The following CREBL2 variants were observed in gnomAD, a reference collection of about 807,000 sequenced individuals.
CREBL2 encodes cAMP-responsive element-binding protein-like 2.
Under a neutral mutation model 19.5 loss-of-function variants are expected in CREBL2, and 4 were observed. The observed-to-expected ratio is 0.20, with a 90% confidence interval of 0.10 to 0.47. The LOEUF is 0.47. Among genes scored for constraint, CREBL2 ranks in the 20% least tolerant of loss-of-function variants. CREBL2 has a pLI of 0.98. For synonymous variants in CREBL2, 42 were observed against 46.6 expected (o/e 0.90, Z 0.40); for missense variants, 85 against 145.1 (o/e 0.59, Z 2.13).
chr12:12,614,687 C>A, intron 1 of CREBL2: 1 of 281,040 alleles, frequency 3.6e-6, no homozygotes, highest in South Asian at 3.4e-5. Context: ...CATTTTCCTT[C>A]ACACGTTTCT....
intron 1 of CREBL2, among the ~76,000 whole-genome samples, chr12:12,621,064 G>A (rs1412846319): frequency 6.6e-6 from 1 of 152,204 alleles, no homozygotes; most frequent in Non-Finnish European, 1.5e-5. Flanking sequence ...AGTAAAGTAA[G>A]TATTTTGGTA....
At chr12:12,626,812 G>C (rs887549363) in intron 1 of CREBL2, among the ~76,000 whole-genome samples, 4 of 151,188 alleles carry the variant, frequency 2.6e-5, no homozygotes, top group African/African-American at 9.7e-5. Flanking sequence ...GAGGCAGGAG[G>C]ATAGCTTGAG....
At chr12:12,635,709 T>C (rs1945469881) in intron 1 of CREBL2, 68 bp from the exon 2 acceptor site, 1 of 1,512,082 alleles carries the variant, frequency 6.6e-7, no homozygotes, top group Non-Finnish European at 8.9e-7. Flanking sequence ...TTTGCTAATA[T>C]GCAGCCATAT....
intron 1 of CREBL2, among the ~76,000 whole-genome samples, chr12:12,631,874 T>C (rs1945444553): frequency 6.6e-6 from 1 of 152,132 alleles, no homozygotes; most frequent in Non-Finnish European, 1.5e-5. Context: ...TTGTTATAGC[T>C]AAGATTTACA....
intron 1 of CREBL2, among the ~76,000 whole-genome samples, chr12:12,635,051 G>A (rs1945464366): frequency 6.6e-6 from 1 of 151,798 alleles, no homozygotes; most frequent in African/African-American, 2.4e-5. Flanking sequence ...AACAGAGTAA[G>A]CGAGAACCTG....
At position 12,638,586 on chromosome 12, in the gene CREBL2, TTAA is replaced by T. The variant is rs374775811; in HGVS notation, c.358+881_358+883del. On this transcript the variant is annotated intron_variant, in intron 3 of 3. Coordinates refer to ENST00000228865, the MANE Select transcript of CREBL2 (RefSeq NM_001310.4). ...GGAGTGGCACGAATCTAGCTTTTTG[TTAA>T]TAATAATACCTTTTATTTGTATTTT... Among the ~76,000 whole-genome samples the T allele has an allele frequency of 3.6e-4, 55 of 152,162 alleles. No homozygotes were observed. The East Asian group carries it at 5.6e-3, about 15-fold the overall frequency.
intron 2 of CREBL2, 51 bp from the exon 3 acceptor site, chr12:12,637,519 T>C: frequency 8.6e-7 from 1 of 1,163,430 alleles, no homozygotes; most frequent in Non-Finnish European, 1.1e-6. Context: ...TAAAAGTTAA[T>C]TTAAATATGT....
intron 1 of CREBL2, 88 bp downstream of exon 1, chr12:12,612,275 A>G: frequency 6.2e-7 from 1 of 1,607,592 alleles, no homozygotes; most frequent in African/African-American, 1.3e-5. Context: ...GTCCACGCCA[A>G]CACCCAAGAG....
chr12:12,622,194 G>A (rs1274395338), intron 1 of CREBL2, among the ~76,000 whole-genome samples: 1 of 152,196 alleles, frequency 6.6e-6, no homozygotes, highest in East Asian at 1.9e-4. Context: ...AATACATACT[G>A]AGTTCAATAA....
chr12:12,637,540 T>A (rs147834869), intron 2 of CREBL2, 30 bp from the exon 3 acceptor site: 2 of 1,242,360 alleles, frequency 1.6e-6, no homozygotes, highest in African/African-American at 3.1e-5. Flanking sequence ...TTTAAATTTA[T>A]ATTTATATTT....
At chr12:12,641,260 T>TA (rs1164279467) in intron 3 of CREBL2, among the ~76,000 whole-genome samples, 7 of 106,822 alleles carry the variant, frequency 6.6e-5, no homozygotes, top group Non-Finnish European at 1.2e-4. Context: ...ATTATTTTTT[T>TA]TTATTTTTTT....
rs117964491 is a variant in CREBL2 at position 12,625,990 on chromosome 12, A to C, written c.16-9787A>C. ...TAATAGTGCTTACCTCATCTGAGGT[A>C]ATGTGAAATAACATGAGATAGCGTG... is the stretch of plus-strand genomic sequence containing the variant. On this transcript the variant is annotated intron_variant, in intron 1 of 3. Transcript: ENST00000228865. 9.7e-4 allele frequency among the ~76,000 whole-genome samples: 148 copies of C among 152,324 alleles called. 4 individuals are homozygous for C. In the East Asian group the frequency reaches 0.023, roughly 23 times the overall value.
chr12:12,623,661 G>A lies in CREBL2; in HGVS notation c.15+11474G>A, dbSNP rs1029715024. Among the ~76,000 whole-genome samples, 3 of 152,128 alleles carry A rather than the reference G, an allele frequency of 2.0e-5. No individual in the cohort carries two copies. The South Asian group carries it at 6.2e-4, about 32-fold the overall frequency. ...GAAAGAGAGAACTGGCTTTTTGTGG[G>A]AATCCTGGATGCAGTGGGCTGAATG... On this transcript the variant is annotated intron_variant, in intron 1 of 3. Transcript: ENST00000228865.
chr12:12,624,264 G>A (rs1450477351), intron 1 of CREBL2, among the ~76,000 whole-genome samples: 1 of 152,170 alleles, frequency 6.6e-6, no homozygotes, highest in Non-Finnish European at 1.5e-5. Flanking sequence ...TTTTTACAGG[G>A]AAGAAAAACA....
At chr12:12,620,142 C>G (rs1334424199) in intron 1 of CREBL2, among the ~76,000 whole-genome samples, 5 of 152,172 alleles carry the variant, frequency 3.3e-5, no homozygotes, top group Non-Finnish European at 7.3e-5. Flanking sequence ...TTACTCACAT[C>G]AACACTTTCT....
rs1945296039 is a variant in CREBL2 at position 12,614,731 on chromosome 12, C to T, written c.15+2544C>T. ...TCAGCTCTTAAGAGTACTTAATATGCTCAATATACACATTAATTCTCTTGG... is the reference window on the plus strand; with the variant it reads ...TCAGCTCTTAAGAGTACTTAATATGTTCAATATACACATTAATTCTCTTGG... On this transcript the variant is annotated intron_variant, in intron 1 of 3. Transcript: ENST00000228865. 1.9e-5 allele frequency: 6 copies of T among 312,848 alleles called. 1 individual carries two copies. The highest frequency in any genetic ancestry group is 1.7e-4 in the South Asian group (6 of 35,680). 19.4% of individuals were successfully genotyped at this position (312,848 alleles called of 1,614,324 possible).
intron 1 of CREBL2, among the ~76,000 whole-genome samples, chr12:12,621,343 A>AC (rs1945357969): frequency 6.6e-6 from 1 of 151,912 alleles, no homozygotes; most frequent in African/African-American, 2.4e-5. Context: ...ACATAGAGAA[A>AC]CCCCATCTCT....
chr12:12,614,692 GT>G (rs1244575760), intron 1 of CREBL2: 3 of 276,394 alleles, frequency 1.1e-5, no homozygotes, highest in Non-Finnish European at 2.1e-5. Flanking sequence ...TCCTTCACAC[GT>G]TTCTGGAAGC....
At chr12:12,629,657 AGAG>A (rs1243956147) in intron 1 of CREBL2, among the ~76,000 whole-genome samples, 1 of 152,160 alleles carries the variant, frequency 6.6e-6, no homozygotes, top group Non-Finnish European at 1.5e-5. Flanking sequence ...AGAAGTGATG[AGAG>A]AAGACAAGAT....
Sources: gnomAD v4.1 joint callset for allele counts (sites outside exome capture counted in the v4.1 genomes callset) on GRCh38, gnomAD v4.1.1 for gene constraint, MANE v1.5 for transcripts, NCBI Gene and HGNC (gene_info 2026-07-23, HGNC 2026-07-21) for gene names.